Variants in FCRL5 observed in about 807,000 individuals in gnomAD.
FCRL5 encodes Fc receptor like 5.
FCRL5 carries 79 observed loss-of-function variants against 92.1 expected under a neutral mutation model. The observed-to-expected ratio is 0.86, with a 90% confidence interval of 0.72 to 1.03. The LOEUF (loss-of-function observed/expected upper bound fraction) is 1.03. Among genes scored for constraint, FCRL5 ranks in the 50% least tolerant of loss-of-function variants. The probability of loss-of-function intolerance (pLI) is 0.00; values close to 1 mark genes in which losing one functional copy is unlikely to be tolerated. For synonymous variants in FCRL5, 466 were observed against 469.3 expected, an observed-to-expected ratio of 0.99 and a Z score of 0.09; for missense variants, 1,160 against 1,181.1, an observed-to-expected ratio of 0.98 and a Z score of 0.26.
At chr1:157,523,219 C>T (rs1650277135) in intron 10 of FCRL5, among the ~76,000 whole-genome samples, 1 of 152,200 alleles carries the variant, frequency 6.6e-6, no homozygotes, top group African/African-American at 2.4e-5. Context: ...CTTTACATGA[C>T]TGGAATGGTG....
intron 6 of FCRL5, 86 bp downstream of exon 6, chr1:157,542,773 T>C: frequency 2.1e-6 from 3 of 1,448,190 alleles, no homozygotes; most frequent in Admixed American, 2.1e-5. Flanking sequence ...CTGAGGATAC[T>C]GGAAGGTATA....
At chr1:157,538,746 A>G (rs1167090808) in intron 7 of FCRL5, among the ~76,000 whole-genome samples, 1 of 152,240 alleles carries the variant, frequency 6.6e-6, no homozygotes, top group Non-Finnish European at 1.5e-5. Flanking sequence ...GTCTGAGTCT[A>G]TATCTACTAA....
In FCRL5 at chr1:157,539,139, G is replaced by A; in HGVS notation, c.1349C>T (p.Ala450Val). The change falls in exon 7 of 17, where the codon GCT (alanine) becomes GTT (valine). Residue 450 changes from alanine (A) to valine (V), a missense_variant. Transcript: ENST00000361835. The stretch of plus-strand genomic sequence containing the variant: ...GCGCTGGGGGCCAAAGCCATTGTCA[G>A]CTGTGCAGTAGTAGTTCCCTGAATG... ...AEHSGNYYCT[A>V]DNGFGPQRSK... The A allele has an allele frequency of 6.2e-7, 1 of 1,614,226 alleles. No individual in the cohort carries two copies. Among genetic ancestry groups the A allele is most frequent in the South Asian group, 1.1e-5 (1 of 91,090 alleles).
At chr1:157,523,077 G>A (rs1002813493) in intron 10 of FCRL5, among the ~76,000 whole-genome samples, 1 of 152,206 alleles carries the variant, frequency 6.6e-6, no homozygotes, top group Non-Finnish European at 1.5e-5. Flanking sequence ...TGAGATGGTT[G>A]CACTGGCTAC....
Position 157,524,500 on chromosome 1 carries a change from C to T in FCRL5, c.2018G>A (p.Gly673Glu). The T allele has an allele frequency of 1.9e-6, 3 of 1,614,010 alleles. No individual in the cohort carries two copies. Among genetic ancestry groups the T allele is most frequent in the Non-Finnish European group, 1.7e-6 (2 of 1,179,892 alleles). Residue 673 changes from glycine (G) to glutamate (E), a missense_variant, in exon 10 of 17, where the codon GGG becomes GAG. Gly to Glu is a moderately conservative substitution (Grantham distance 98). Coordinates refer to ENST00000361835, the MANE Select transcript of FCRL5 (RefSeq NM_031281.3). ...CTCACAGTGAAGCTCCAGCAGGTCC[C>T]CCACCACAGCCTGGGCCCTGGGAGC... Reference protein sequence around the residue: ...FRAPRAQAVVGDLLELHCEAL... With the variant: ...FRAPRAQAVVEDLLELHCEAL...
chr1:157,535,261 G>A (rs539119940), intron 7 of FCRL5, among the ~76,000 whole-genome samples: 98 of 152,326 alleles, frequency 6.4e-4, no homozygotes, highest in African/African-American at 2.3e-3. Flanking sequence ...AACCATGGAA[G>A]AGCCATGCCT....
At position 157,518,352 on chromosome 1, in the gene FCRL5, T is replaced by C. The variant is rs369439115; in HGVS notation, c.2812+77A>G. 24 of 1,299,502 alleles carry C rather than the reference T, an allele frequency of 1.8e-5. No individual in the cohort carries two copies. In the African/African-American group the frequency reaches 3.1e-4, roughly 17 times the overall value. 80.5% of individuals were successfully genotyped at this position (1,299,502 alleles called of 1,614,324 possible). A position where few individuals can be genotyped will look rare whatever the true frequency, so the allele number is the denominator to read the frequency against. On this transcript the variant is annotated intron_variant, in intron 15 of 16. Transcript: ENST00000361835. ...CGGCTCTATGCCTGTCTGGCTCAGA[T>C]CTGCTGAGTGGGTAGAAACTGAGCT...
intron 9 of FCRL5, among the ~76,000 whole-genome samples, chr1:157,526,962 T>C (rs12568934): frequency 0.065 from 9,815 of 152,118 alleles, 796 homozygotes; most frequent in African/African-American, 0.19. Flanking sequence ...CATGTGACCA[T>C]GAGAGTCATG....
Position 157,544,412 on chromosome 1 carries a change from C to A in FCRL5, c.694G>T (p.Asp232Tyr). ...VPLRFRFFRD[D>Y]QTLGLGWSLS... ...CTCCAGCCTAATCCCAGGGTCTGGTCATCTCTGAAGAAGCGGAACCGGAGC... is the reference window on the plus strand; with the variant it reads ...CTCCAGCCTAATCCCAGGGTCTGGTAATCTCTGAAGAAGCGGAACCGGAGC... The change falls in exon 5 of 17, where the codon GAC becomes TAC. Residue 232 changes from aspartate (D) to tyrosine (Y), a missense_variant. Coordinates refer to ENST00000361835, the MANE Select transcript of FCRL5 (RefSeq NM_031281.3). 5 of 1,614,190 alleles carry A rather than the reference C, an allele frequency of 3.1e-6. No homozygotes were observed. Among genetic ancestry groups the A allele is most frequent in the Non-Finnish European group, 4.2e-6 (5 of 1,180,046 alleles).
chr1:157,544,117 G>A, intron 5 of FCRL5, 145 bp downstream of exon 5: 1 of 817,326 alleles, frequency 1.2e-6, no homozygotes, highest in East Asian at 2.4e-5. Flanking sequence ...ATGTTCACAA[G>A]AGTAGAGGTC....
At chr1:157,545,965 A>G (rs1651515820) in intron 3 of FCRL5, among the ~76,000 whole-genome samples, 2 of 152,318 alleles carry the variant, frequency 1.3e-5, no homozygotes, top group Admixed American at 1.3e-4. Flanking sequence ...CCTTGCTAGT[A>G]CACTGCTTCC....
chr1:157,546,166 G>A (rs1465610835), intron 3 of FCRL5: 1 of 380,286 alleles, frequency 2.6e-6, no homozygotes, highest in Admixed American at 3.6e-5. Flanking sequence ...TATACATAGA[G>A]GCCGGGTGCA....
chr1:157,521,974 C>T (rs1457912034), intron 10 of FCRL5: 1 of 152,176 alleles, frequency 6.6e-6, no homozygotes, highest in Non-Finnish European at 1.5e-5. Flanking sequence ...TTAGAGACAA[C>T]CTACTGGATT....
In FCRL5 at chr1:157,552,348, C is replaced by T. The variant is rs1258242710; in HGVS notation, c.15G>A (p.Val5=). MLLW[V]ILLVLAPVSG... The stretch of plus-strand genomic sequence containing the variant: ...TTTACTCACCCAGGACCAGTAATAT[C>T]ACCCACAGCAGCATGAAGACCTGGA... The change falls in exon 1 of 17, where the codon GTG becomes GTA. Residue 5 remains valine (V), a synonymous_variant. Coordinates refer to ENST00000361835, the MANE Select transcript of FCRL5 (RefSeq NM_031281.3). 2 of 1,614,098 alleles carry T rather than the reference C, an allele frequency of 1.2e-6. No individual in the cohort carries two copies. Among genetic ancestry groups the T allele is most frequent in the East Asian group, 4.5e-5 (2 of 44,864 alleles).
chr1:157,544,841 G>T lies in FCRL5; in HGVS notation c.549C>A (p.Ile183=). 1 of 1,614,100 alleles carries T rather than the reference G, an allele frequency of 6.2e-7. No homozygotes were observed. Among genetic ancestry groups the T allele is most frequent in the Non-Finnish European group, 8.5e-7 (1 of 1,180,030 alleles). Residue 183 remains isoleucine, a synonymous_variant, in exon 4 of 17, where the codon ATC becomes ATA. Transcript: ENST00000361835. The part of the protein sequence containing the change: ...CCPVSSNTVK[I]QVQEPFTRPV... ...TAATGAAGGCTTTACCTTGGACTTGGATTTTGACTGTATTGGAAGAAACAG... is the reference window on the plus strand; with the variant it reads ...TAATGAAGGCTTTACCTTGGACTTGTATTTTGACTGTATTGGAAGAAACAG...
At chr1:157,536,275 C>G (rs1471724973) in intron 7 of FCRL5, among the ~76,000 whole-genome samples, 5 of 152,136 alleles carry the variant, frequency 3.3e-5, no homozygotes, top group African/African-American at 7.2e-5. Context: ...CATCTCTTAG[C>G]TTTGCCTTAT....
At position 157,520,500 on chromosome 1, in the gene FCRL5, C is replaced by T. The variant is rs201504068; in HGVS notation, c.2563G>A (p.Gly855Ser). Residue 855 changes from glycine to serine, a missense_variant, in exon 12 of 17, where the codon GGC (glycine) becomes AGC (serine). Transcript: ENST00000361835. The part of the protein sequence containing the change: ...SGPFATGVAG[G>S]LLSIAGLAAG... ...GCAAGGCCTGCTATGCTGAGCAGGC[C>T]CCCGGCGACTCCTGTGGCAAAAGGG... 12 of 1,575,578 alleles carry T rather than the reference C, an allele frequency of 7.6e-6. No individual in the cohort carries two copies. The East Asian group carries it at 2.6e-4, about 34-fold the overall frequency.
rs977682940 is a variant in FCRL5, at chr1:157,518,757, C to T, written c.2686G>A (p.Glu896Lys). ...GCTGGTACATTGTGATAGGTGGGCT[C>T]TTGGGAGTCCGAGTCTGAAGGGCTC... ...ARSPSDSDSQ[E>K]PTYHNVPAWE... Residue 896 changes from glutamate to lysine, a missense_variant, in exon 14 of 17, where the codon GAG (glutamate) becomes AAG (lysine). By Grantham distance (56) the Glu-to-Lys change is moderately conservative. Coordinates refer to ENST00000361835, the MANE Select transcript of FCRL5 (RefSeq NM_031281.3). 2 of 1,613,370 alleles carry T rather than the reference C, an allele frequency of 1.2e-6. No individual in the cohort carries two copies. The highest frequency in any genetic ancestry group is 1.7e-6 in the Non-Finnish European group (2 of 1,179,882).
intron 8 of FCRL5, chr1:157,528,498 C>T (rs1336810588): frequency 6.6e-6 from 1 of 152,106 alleles, no homozygotes; most frequent in Non-Finnish European, 1.5e-5. Flanking sequence ...AAAGAGCCTA[C>T]ATAGCCAAAG....
Sources: allele counts gnomAD v4.1 joint callset (sites outside exome capture counted in the v4.1 genomes callset), GRCh38; gene constraint gnomAD v4.1.1; transcripts MANE v1.5; gene names NCBI Gene and HGNC (gene_info 2026-07-23, HGNC 2026-07-21).